Variants in GTPBP4 observed in about 807,000 individuals in gnomAD.
GTPBP4 encodes GTP-binding protein 4.
GTPBP4 carries 15 observed loss-of-function variants against 81.7 expected under a neutral mutation model. That is an observed-to-expected ratio of 0.18 (90% CI 0.12 to 0.28). The LOEUF is 0.28. GTPBP4 is among the 10% of genes least tolerant of loss of function. The pLI, the probability that GTPBP4 is intolerant of heterozygous loss-of-function variation, is 1.00. For synonymous variants in GTPBP4, 272 were observed against 274.6 expected, an observed-to-expected ratio of 0.99 and a Z score of 0.09; for missense variants, 847 against 793.8, an observed-to-expected ratio of 1.07 and a Z score of -0.81.
rs556695567 is a variant in GTPBP4, at chr10:1,000,082, G to C, written c.655-595G>C. On this transcript the variant is annotated intron_variant, in intron 6 of 16. Transcript: ENST00000360803. ...AGTTATCCCAGTTTTTGTGTTTTAT[G>C]ATGTCGCTGGTAAAAAGAGGAGTCA... Among the ~76,000 whole-genome samples, 5 of 152,252 alleles carry C rather than the reference G, an allele frequency of 3.3e-5. No individual in the cohort carries two copies. The South Asian group carries it at 1.0e-3, about 32-fold the overall frequency.
rs41285589 is a variant in GTPBP4, at chr10:1,017,587, C to T, written c.*360C>T. The T allele has an allele frequency of 0.018, 3,141 of 175,440 alleles. 33 individuals are homozygous for T. Among genetic ancestry groups the T allele is most frequent in the Non-Finnish European group, 0.024 (2,040 of 83,964 alleles). The allele number at this position is 175,440 out of a possible 1,614,324, so 10.9% of individuals were successfully genotyped here. On this transcript the variant is annotated 3_prime_UTR_variant, in exon 17 of 17. Coordinates refer to ENST00000360803, the MANE Select transcript of GTPBP4 (RefSeq NM_012341.3). ...CACGTTTATGAGTGTGTCGGAATCC[C>T]GTGCTTAAAATACGCTCTTAAATTA...
intron 4 of GTPBP4, 26 bp downstream of exon 4, chr10:996,268 C>A (rs368582929): frequency 6.3e-7 from 1 of 1,598,828 alleles, no homozygotes; most frequent in Non-Finnish European, 8.5e-7. Flanking sequence ...CCGCGGGAAC[C>A]GTGCTAGCAT....
At chr10:1,006,543 C>T (rs1290197814) in intron 9 of GTPBP4, among the ~76,000 whole-genome samples, 1 of 152,188 alleles carries the variant, frequency 6.6e-6, no homozygotes, top group Admixed American at 6.5e-5. Flanking sequence ...GAGGCTGAGG[C>T]AGGAGAATCG....
At chr10:1,004,580 T>A (rs1226622723) in intron 8 of GTPBP4, among the ~76,000 whole-genome samples, 1 of 152,134 alleles carries the variant, frequency 6.6e-6, no homozygotes, top group East Asian at 1.9e-4. Flanking sequence ...CGCTGGGATA[T>A]GTGACCATTC....
chr10:1,010,912 C>T (rs1352859481), intron 13 of GTPBP4, among the ~76,000 whole-genome samples: 5 of 147,172 alleles, frequency 3.4e-5, no homozygotes, highest in Non-Finnish European at 4.6e-5. Flanking sequence ...CCCTACACCA[C>T]CTTCCCCACC....
At chr10:1,011,911 C>G (rs1231980934) in intron 13 of GTPBP4, among the ~76,000 whole-genome samples, 1 of 152,250 alleles carries the variant, frequency 6.6e-6, no homozygotes, top group Non-Finnish European at 1.5e-5. Flanking sequence ...CCATCCCCTT[C>G]CACGAGGCCT....
intron 16 of GTPBP4, among the ~76,000 whole-genome samples, chr10:1,016,600 G>T (rs1831998219): frequency 6.6e-6 from 1 of 152,228 alleles, no homozygotes; most frequent in Admixed American, 6.5e-5. Flanking sequence ...GAGGAAAACA[G>T]GTTCATGGGC....
At position 1,017,464 on chromosome 10, in the gene GTPBP4, T is replaced by G; in HGVS notation, c.*237T>G. 1 of 364,826 alleles carries G rather than the reference T, an allele frequency of 2.7e-6. No homozygotes were observed. The highest frequency in any genetic ancestry group is 4.9e-6 in the Non-Finnish European group (1 of 204,420). The allele number at this position is 364,826 out of a possible 1,614,324, so 22.6% of individuals were successfully genotyped here. On this transcript the variant is annotated 3_prime_UTR_variant, in exon 17 of 17. Coordinates refer to ENST00000360803, the MANE Select transcript of GTPBP4 (RefSeq NM_012341.3). ...GTTTCCACATTTAATGGAGTATCAG[T>G]TGCTTCAGATTTTCAGAACTGGGAA...
chr10:998,736 G>A (rs1831575397), intron 5 of GTPBP4, among the ~76,000 whole-genome samples: 1 of 152,354 alleles, frequency 6.6e-6, no homozygotes, highest in East Asian at 1.9e-4. Context: ...GAGCTCTGCG[G>A]GCATTGCAGG....
intron 9 of GTPBP4, 24 bp from the exon 10 acceptor site, chr10:1,006,994 G>A: frequency 2.1e-6 from 3 of 1,437,762 alleles, no homozygotes; most frequent in Non-Finnish European, 2.0e-6. Flanking sequence ...GTTTGTGACT[G>A]TGCCTTCTTT....
chr10:996,308 A>T, intron 4 of GTPBP4, 66 bp downstream of exon 4: 1 of 1,390,930 alleles, frequency 7.2e-7, no homozygotes, highest in Admixed American at 2.2e-5. Context: ...CTTGTTGAGG[A>T]CTTGAGATGT....
chr10:1,010,363 A>G (rs1007838157), intron 12 of GTPBP4, 57 bp from the exon 13 acceptor site: 1 of 866,880 alleles, frequency 1.2e-6, no homozygotes, highest in Non-Finnish European at 2.0e-6. Context: ...TTGCGCACGT[A>G]GTACTTGAAG....
At chr10:998,977 A>G in intron 5 of GTPBP4, 26 bp from the exon 6 acceptor site, 1 of 1,292,244 alleles carries the variant, frequency 7.7e-7, no homozygotes, top group Non-Finnish European at 1.1e-6. Flanking sequence ...AAATGAGGTG[A>G]TTCTGAAAGT....
In GTPBP4 at chr10:1,019,806, G is replaced by T; in HGVS notation, c.*2579G>T. The T allele has an allele frequency of 6.2e-7, 1 of 1,613,972 alleles. No individual in the cohort carries two copies. Among genetic ancestry groups the T allele is most frequent in the South Asian group, 1.1e-5 (1 of 91,078 alleles). On this transcript the variant is annotated 3_prime_UTR_variant, in exon 17 of 17. Transcript: ENST00000360803. ...TGATTTTGCCTTGTGGTGATAGATT[G>T]TCATGAACACAATGTCCTCTGGAGA... is the stretch of plus-strand genomic sequence containing the variant.
intron 1 of GTPBP4, among the ~76,000 whole-genome samples, chr10:992,123 G>A (rs1439390384): frequency 1.3e-5 from 2 of 151,232 alleles, no homozygotes; most frequent in East Asian, 1.9e-4. Flanking sequence ...TTTCAGGGCC[G>A]GGCGTGGTGG....
chr10:993,994 G>C (rs1444488512), intron 2 of GTPBP4, among the ~76,000 whole-genome samples: 1 of 151,622 alleles, frequency 6.6e-6, no homozygotes, highest in Non-Finnish European at 1.5e-5. Context: ...CCTGACCTCA[G>C]GTGATCCGCC....
intron 15 of GTPBP4, among the ~76,000 whole-genome samples, chr10:1,015,035 T>C (rs1831950244): frequency 6.6e-6 from 1 of 152,198 alleles, no homozygotes; most frequent in Non-Finnish European, 1.5e-5. Context: ...ACCCCCAAAA[T>C]GGGGCAGTGA....
In GTPBP4 at chr10:1,017,954, G is replaced by A. The variant is rs965422743; in HGVS notation, c.*727G>A. 6.6e-6 allele frequency: 1 copy of A among 152,246 alleles called. No individual in the cohort carries two copies. The highest frequency in any genetic ancestry group is 1.5e-5 in the Non-Finnish European group (1 of 68,066). The allele number at this position is 152,246 out of a possible 1,614,324, so 9.4% of individuals were successfully genotyped here. A position where few individuals can be genotyped will look rare whatever the true frequency, so the allele number is the denominator to read the frequency against. On this transcript the variant is annotated 3_prime_UTR_variant, in exon 17 of 17. Coordinates refer to ENST00000360803, the MANE Select transcript of GTPBP4 (RefSeq NM_012341.3). The stretch of plus-strand genomic sequence containing the variant: ...AGCACCTGCTGGGGAGCGTTGGGGT[G>A]AAGAGCTGTGGGGTCGGAGGGACCT...
At chr10:992,794 C>G (rs1831468071) in intron 2 of GTPBP4, 135 bp downstream of exon 2, 1 of 585,994 alleles carries the variant, frequency 1.7e-6, no homozygotes, top group Non-Finnish European at 3.0e-6. Context: ...AAGTTAGTGG[C>G]AAAGAACTAA....
Sources: allele counts gnomAD v4.1 joint callset (sites outside exome capture counted in the v4.1 genomes callset), GRCh38; gene constraint gnomAD v4.1.1; transcripts MANE v1.5; gene names NCBI Gene and HGNC (gene_info 2026-07-23, HGNC 2026-07-21).